The following LUZP2 variants were observed in gnomAD, a reference collection of about 807,000 sequenced individuals.
LUZP2 encodes leucine zipper protein 2.
Under a neutral mutation model 51.6 loss-of-function variants are expected in LUZP2, and 52 were observed. The ratio of observed to expected loss-of-function variants is 1.01; its 90% CI spans 0.81 to 1.27. The LOEUF (loss-of-function observed/expected upper bound fraction) is 1.27. LUZP2 is among the 50% of genes most tolerant of loss of function. The probability of loss-of-function intolerance (pLI) is 0.00; values close to 1 mark genes in which losing one functional copy is unlikely to be tolerated. For missense variants in LUZP2, 436 were observed against 395.4 expected, an observed-to-expected ratio of 1.10 and a Z score of -0.87; for synonymous variants, 154 against 137.3, an observed-to-expected ratio of 1.12 and a Z score of -0.85.
intron 10 of LUZP2, among the ~76,000 whole-genome samples, chr11:25,069,711 A>G (rs1487085969): frequency 6.6e-6 from 1 of 151,968 alleles, no homozygotes; most frequent in Non-Finnish European, 1.5e-5. Context: ...CATTTTATCA[A>G]CTTATTCACT....
chr11:24,855,042 G>T (rs1365583941), intron 5 of LUZP2, among the ~76,000 whole-genome samples: 1 of 152,100 alleles, frequency 6.6e-6, no homozygotes, highest in African/African-American at 2.4e-5. Context: ...TGTTAATCTT[G>T]CTTGGAGCTA....
At chr11:24,524,833 C>G (rs1458716347) in intron 1 of LUZP2, among the ~76,000 whole-genome samples, 1 of 151,670 alleles carries the variant, frequency 6.6e-6, no homozygotes, top group East Asian at 1.9e-4. Context: ...ATTACTACTT[C>G]CACTTCCTCT....
chr11:24,772,027 G>A (rs183394821), intron 5 of LUZP2, among the ~76,000 whole-genome samples: 2 of 152,198 alleles, frequency 1.3e-5, no homozygotes, highest in East Asian at 1.9e-4. Flanking sequence ...TTCCTAATTA[G>A]CAATATTCCT....
intron 1 of LUZP2, among the ~76,000 whole-genome samples, chr11:24,692,091 G>T (rs538995344): frequency 6.8e-6 from 1 of 148,102 alleles, no homozygotes; most frequent in Non-Finnish European, 1.5e-5. Flanking sequence ...GGCATTTTAC[G>T]TTTTTTTTTT....
rs532323510 is a variant in LUZP2 at position 24,800,106 on chromosome 11, T to C, written c.396+36798T>C. Reference sequence around the variant, plus strand: ...TTGTCTTCCTCCCCATAATTTGCTATCCACCCGCCCCCACCCTTGTTTTTT... The same window carrying C: ...TTGTCTTCCTCCCCATAATTTGCTACCCACCCGCCCCCACCCTTGTTTTTT... On this transcript the variant is annotated intron_variant, in intron 5 of 11. Transcript: ENST00000336930. Among the ~76,000 whole-genome samples, 123 of 152,238 alleles carry C rather than the reference T, an allele frequency of 8.1e-4. 1 individual carries two copies. The highest frequency in any genetic ancestry group is 2.8e-3 in the African/African-American group (117 of 41,552).
chr11:24,690,871 A>T (rs1020309077), intron 1 of LUZP2, among the ~76,000 whole-genome samples: 4 of 152,082 alleles, frequency 2.6e-5, no homozygotes, highest in Admixed American at 6.6e-5. Flanking sequence ...TTTTTGAAAG[A>T]TACAGAACCA....
chr11:24,885,528 T>C (rs1345978941), intron 5 of LUZP2, among the ~76,000 whole-genome samples: 1 of 152,182 alleles, frequency 6.6e-6, no homozygotes, highest in Admixed American at 6.6e-5. Context: ...CTGTGCTGTA[T>C]TATATGCCTA....
chr11:24,570,591 G>A (rs1015378264), intron 1 of LUZP2, among the ~76,000 whole-genome samples: 18 of 152,010 alleles, frequency 1.2e-4, no homozygotes, highest in Admixed American at 6.6e-4. Context: ...AGAAGAGAGT[G>A]AGCAGAATTA....
intron 5 of LUZP2, among the ~76,000 whole-genome samples, chr11:24,840,668 C>T (rs1172458888): frequency 6.6e-6 from 1 of 151,890 alleles, no homozygotes; most frequent in African/African-American, 2.4e-5. Context: ...TTAAGATCCA[C>T]AAGTGATTCA....
At chr11:24,967,588 A>T (rs146083407) in intron 7 of LUZP2, among the ~76,000 whole-genome samples, 2 of 151,062 alleles carry the variant, frequency 1.3e-5, no homozygotes, top group African/African-American at 4.9e-5. Flanking sequence ...TTTTCTCTTC[A>T]CTGTTCTTCA....
At chr11:24,833,702 CCG>C (rs1302939149) in intron 5 of LUZP2, among the ~76,000 whole-genome samples, 62 of 129,886 alleles carry the variant, frequency 4.8e-4, no homozygotes, top group East Asian at 3.1e-3. Flanking sequence ...ACGCCTGCCA[CCG>C]CGCGCGCGCA....
chr11:24,768,313 T>C lies in LUZP2; in HGVS notation c.396+5005T>C, dbSNP rs11028153. ...TTAGTGGAGACAGGGTTTTGTCATG[T>C]TGGCCAGGCTGGTCTTGAATTCCTG... On this transcript the variant is annotated intron_variant, in intron 5 of 11. Transcript: ENST00000336930. Among the ~76,000 whole-genome samples the C allele has an allele frequency of 9.3e-3, 1,421 of 152,232 alleles. 31 individuals are homozygous for C. Among genetic ancestry groups the C allele is most frequent in the African/African-American group, 0.032 (1,332 of 41,534 alleles).
chr11:24,757,654 C>G (rs1859824736), intron 4 of LUZP2, among the ~76,000 whole-genome samples: 1 of 151,670 alleles, frequency 6.6e-6, no homozygotes, highest in South Asian at 2.1e-4. Context: ...CCCCTAAATC[C>G]TTAGTTCTTT....
At chr11:24,514,672 T>C (rs1373198880) in intron 1 of LUZP2, among the ~76,000 whole-genome samples, 3 of 152,144 alleles carry the variant, frequency 2.0e-5, no homozygotes, top group Non-Finnish European at 4.4e-5. Flanking sequence ...TTATTAGTTT[T>C]TTTTCTTTTG....
intron 3 of LUZP2, among the ~76,000 whole-genome samples, chr11:24,735,499 G>T (rs1415004066): frequency 6.6e-6 from 1 of 151,874 alleles, no homozygotes; most frequent in African/African-American, 2.4e-5. Context: ...TTTGGACTCG[G>T]TATACTAAAG....
chr11:24,960,842 G>A (rs1464422563), intron 7 of LUZP2, among the ~76,000 whole-genome samples: 2 of 151,964 alleles, frequency 1.3e-5, no homozygotes, highest in African/African-American at 4.8e-5. Flanking sequence ...TGATGTTAGG[G>A]TGTCAGTTTT....
At chr11:24,667,099 A>G (rs979480251) in intron 1 of LUZP2, among the ~76,000 whole-genome samples, 1 of 152,060 alleles carries the variant, frequency 6.6e-6, no homozygotes, top group African/African-American at 2.4e-5. Context: ...CATTACTAAT[A>G]TTGCCCATGA....
At chr11:25,031,994 G>A (rs7929103) in intron 9 of LUZP2, among the ~76,000 whole-genome samples, 88,053 of 151,836 alleles carry the variant, frequency 0.58, 26,638 homozygotes, top group African/African-American at 0.75. Flanking sequence ...AATGACAAGG[G>A]ACCTAAAAAT....
rs1309705873 is a variant in LUZP2 at position 24,790,811 on chromosome 11, A to T, written c.396+27503A>T. Among the ~76,000 whole-genome samples the T allele has an allele frequency of 4.6e-5, 7 of 152,078 alleles. No homozygotes were observed. In the East Asian group the frequency reaches 1.4e-3, roughly 29 times the overall value. On this transcript the variant is annotated intron_variant, in intron 5 of 11. Transcript: ENST00000336930. ...GCCATCACACACAGCCAATCCTTTT[A>T]TTCATTGTCTTTGTTAGATATTTCT...
Sources: gnomAD v4.1 joint callset for allele counts (sites outside exome capture counted in the v4.1 genomes callset) on GRCh38, gnomAD v4.1.1 for gene constraint, MANE v1.5 for transcripts, NCBI Gene and HGNC (gene_info 2026-07-23, HGNC 2026-07-21) for gene names.